Variants in LYST observed in about 807,000 individuals in gnomAD.
LYST encodes lysosomal-trafficking regulator.
LYST carries 192 observed loss-of-function variants against 413.6 expected under a neutral mutation model. That is an observed-to-expected ratio of 0.46 (90% CI 0.41 to 0.52). The LOEUF is 0.52. LYST is among the 20% of genes least tolerant of loss of function. LYST has a pLI of 0.00. For synonymous variants in LYST, 1,525 were observed against 1,567.3 expected, an observed-to-expected ratio of 0.97 and a Z score of 0.64; for missense variants, 3,815 against 4,499.9, an observed-to-expected ratio of 0.85 and a Z score of 4.35.
intron 1 of LYST, among the ~76,000 whole-genome samples, chr1:235,881,191 G>C (rs1443131974): frequency 1.3e-5 from 2 of 152,164 alleles, no homozygotes; most frequent in Non-Finnish European, 2.9e-5. Flanking sequence ...CTCCTTAGAA[G>C]TATTTTGCCA....
intron 10 of LYST, among the ~76,000 whole-genome samples, chr1:235,796,583 G>C (rs1252847459): frequency 2.0e-5 from 3 of 152,192 alleles, no homozygotes; most frequent in Non-Finnish European, 4.4e-5. Flanking sequence ...TGCCATTGTG[G>C]TAGTGTTAAG....
rs1477463059 is a variant in LYST, at chr1:235,677,112, T to C, written c.11017A>G (p.Ile3673Val). The change falls in exon 50 of 53, where the codon ATT becomes GTT. Residue 3673 changes from isoleucine (I) to valine (V), a missense_variant. Physicochemically the swap from Ile to Val is conservative, Grantham distance 29. Coordinates refer to ENST00000389793, the MANE Select transcript of LYST (RefSeq NM_000081.4). Reference sequence around the variant, plus strand: ...TCACCTGAATCACACACAGTAGCAATATCACCTGAGGTTTCACTGGCAGAG... The same window carrying C: ...TCACCTGAATCACACACAGTAGCAACATCACCTGAGGTTTCACTGGCAGAG... ...AVSASETSGD[I>V]ATVCDSAGGG... The C allele has an allele frequency of 3.7e-6, 6 of 1,613,784 alleles. No homozygotes were observed. The African/African-American group carries it at 8.0e-5, about 22-fold the overall frequency.
At chr1:235,724,695 A>G (rs548895404) in intron 38 of LYST, among the ~76,000 whole-genome samples, 41 of 152,146 alleles carry the variant, frequency 2.7e-4, no homozygotes, top group African/African-American at 9.2e-4. Flanking sequence ...CCTCTCCCCA[A>G]TCTCTGGCAA....
chr1:235,805,902 A>T lies in LYST; in HGVS notation c.3234T>A (p.Val1078=). 6.2e-7 allele frequency: 1 copy of T among 1,613,884 alleles called. No homozygotes were observed. Among genetic ancestry groups the T allele is most frequent in the Non-Finnish European group, 8.5e-7 (1 of 1,179,940 alleles). ...QHISSINVEE[V]SATEAAPEEA... Reference sequence around the variant, plus strand: ...CCTCGGGAGCGGCTTCAGTAGCTGAAACTTCTTCCACATTTATGGAAGAAA... The same window carrying T: ...CCTCGGGAGCGGCTTCAGTAGCTGATACTTCTTCCACATTTATGGAAGAAA... The change falls in exon 6 of 53, where the codon GTT becomes GTA. Residue 1078 remains valine, a synonymous_variant. Transcript: ENST00000389793.
At chr1:235,666,607 TAC>T (rs10635511) in intron 50 of LYST, among the ~76,000 whole-genome samples, 4,390 of 141,222 alleles carry the variant, frequency 0.031, 85 homozygotes, top group African/African-American at 0.05. Context: ...CACACACACA[TAC>T]ACACACACAC....
intron 29 of LYST, among the ~76,000 whole-genome samples, chr1:235,744,518 C>T (rs1665720307): frequency 1.3e-5 from 2 of 152,030 alleles, no homozygotes; most frequent in African/African-American, 2.4e-5. Context: ...ATGTGCTATA[C>T]ATTTACGTGC....
At chr1:235,699,503 T>G (rs898025947) in intron 45 of LYST, among the ~76,000 whole-genome samples, 1 of 152,228 alleles carries the variant, frequency 6.6e-6, no homozygotes, top group African/African-American at 2.4e-5. Context: ...GTTGGTTCCA[T>G]GTCTTTGCTA....
intron 23 of LYST, among the ~76,000 whole-genome samples, chr1:235,758,550 G>A (rs1230782264): frequency 2.0e-5 from 3 of 152,126 alleles, no homozygotes; most frequent in Non-Finnish European, 4.4e-5. Context: ...TTCTGGAGCC[G>A]TCACTTGTCT....
Position 235,793,559 on chromosome 1 carries a change from A to G in LYST, c.4060T>C (p.Cys1354Arg), listed in dbSNP as rs763053467. 1.0e-5 allele frequency: 16 copies of G among 1,603,624 alleles called. No individual in the cohort carries two copies. Residue 1354 changes from cysteine to arginine, a missense_variant, in exon 11 of 53, where the codon TGT becomes CGT. Transcript: ENST00000389793. Reference protein sequence around the residue: ...LLVSLMSSRTCSEELTLLLRI... With the variant: ...LLVSLMSSRTRSEELTLLLRI... ...AAAAGAAGGGTTAGCTCTTCTGAAC[A>G]TGTTCTTGAACTCATCAAAGATACC...
At chr1:235,776,167 G>C (rs1669209213) in intron 17 of LYST, among the ~76,000 whole-genome samples, 1 of 151,948 alleles carries the variant, frequency 6.6e-6, no homozygotes, top group Non-Finnish European at 1.5e-5. Flanking sequence ...AAAACACTAG[G>C]AGATAATCTA....
chr1:235,834,140 A>T (rs780289525), intron 1 of LYST, among the ~76,000 whole-genome samples: 2 of 152,198 alleles, frequency 1.3e-5, no homozygotes, highest in African/African-American at 4.8e-5. Flanking sequence ...ATTAATCACC[A>T]TCAAATTTCA....
intron 50 of LYST, among the ~76,000 whole-genome samples, chr1:235,665,646 T>C (rs1033547418): frequency 5.4e-5 from 8 of 149,300 alleles, no homozygotes; most frequent in African/African-American, 2.0e-4. Flanking sequence ...CTTATGTGAC[T>C]TTTGAAGAAA....
Position 235,793,606 on chromosome 1 carries a change from T to C in LYST, c.4013A>G (p.Gln1338Arg). The C allele has an allele frequency of 1.3e-6, 2 of 1,564,574 alleles. No homozygotes were observed. The highest frequency in any genetic ancestry group is 1.8e-6 in the Non-Finnish European group (2 of 1,136,424). ...TQDDSDFQAC[Q>R]RVLVDLLVSL... ...TACCAAAAGATCCACCAATACTCTC[T>C]GGCATGCTAAATTAAAGAAAGAGGG... is the stretch of plus-strand genomic sequence containing the variant. The change falls in exon 11 of 53, where the codon CAG becomes CGG. Residue 1338 changes from glutamine (Q) to arginine (R), a missense_variant. Around this residue, in one of 4 missense-constraint regions of LYST, gnomAD observed 1,648 missense variants for 1,810.3 expected, o/e 0.91. Coordinates refer to ENST00000389793, the MANE Select transcript of LYST (RefSeq NM_000081.4).
At chr1:235,690,895 A>G (rs1660590058) in intron 47 of LYST, among the ~76,000 whole-genome samples, 1 of 150,342 alleles carries the variant, frequency 6.7e-6, no homozygotes, top group Non-Finnish European at 1.5e-5. Context: ...TTTACATGGT[A>G]TTTTACAGTT....
chr1:235,790,858 AAC>A (rs1409036895), intron 12 of LYST, among the ~76,000 whole-genome samples: 1 of 152,230 alleles, frequency 6.6e-6, no homozygotes, highest in Non-Finnish European at 1.5e-5. Flanking sequence ...GATGCATTTA[AAC>A]ATTCTGTGAC....
Position 235,666,890 on chromosome 1 carries a change from T to C in LYST, c.11039-2269A>G, listed in dbSNP as rs530770614. On this transcript the variant is annotated intron_variant, in intron 50 of 52. Coordinates refer to ENST00000389793, the MANE Select transcript of LYST (RefSeq NM_000081.4). ...ACTGGAAACATAGCCATAAAAGATA[T>C]TGAGGTAGGGGTTTCTCGCTGTAAC... 1.3e-4 allele frequency among the ~76,000 whole-genome samples: 20 copies of C among 152,278 alleles called. No individual in the cohort carries two copies. The South Asian group carries it at 2.7e-3, about 20-fold the overall frequency.
At chr1:235,827,353 A>C (rs573653241) in intron 3 of LYST, 1 of 793,388 alleles carries the variant, frequency 1.3e-6, no homozygotes, top group Non-Finnish European at 1.5e-6. Flanking sequence ...TGGGTGAAAA[A>C]GTGAGACTCT....
intron 10 of LYST, 114 bp downstream of exon 10, chr1:235,800,206 T>G: frequency 8.2e-6 from 6 of 731,862 alleles, no homozygotes; most frequent in Admixed American, 8.2e-5. Flanking sequence ...CACCTCAGCC[T>G]CCCAAAGTGC....
intron 3 of LYST, among the ~76,000 whole-genome samples, chr1:235,816,319 T>TA (rs1437339451): frequency 2.0e-5 from 3 of 148,200 alleles, no homozygotes; most frequent in Admixed American, 6.8e-5. Context: ...CATGTGCCTG[T>TA]AGTCCCAGCT....
Sources: gnomAD v4.1 joint callset for allele counts (sites outside exome capture counted in the v4.1 genomes callset) on GRCh38, gnomAD v4.1.1 for gene constraint, gnomAD v4.1.1 regional missense constraint, MANE v1.5 for transcripts, NCBI Gene and HGNC (gene_info 2026-07-23, HGNC 2026-07-21) for gene names.